DST: variants seen among roughly 807,000 people sequenced by gnomAD.
DST encodes the protein bullous pemphigoid antigen.
Under a neutral mutation model 875.2 loss-of-function variants are expected in DST, and 253 were observed. The ratio of observed to expected loss-of-function variants is 0.29; its 90% CI spans 0.26 to 0.32. DST has a LOEUF of 0.32. DST is among the 10% of genes least tolerant of loss of function. DST has a pLI of 1.00. For missense variants in DST, 8,287 were observed against 9,111.6 expected, an observed-to-expected ratio of 0.91 and a Z score of 3.68; for synonymous variants, 3,124 against 3,197.1, an observed-to-expected ratio of 0.98 and a Z score of 0.77.
intron 49 of DST, among the ~76,000 whole-genome samples, chr6:56,582,653 G>C (rs1192058405): frequency 2.1e-4 from 31 of 150,874 alleles, no homozygotes; most frequent in African/African-American, 7.1e-4. Context: ...GTGCAGGTTA[G>C]TTACATATGT....
At chr6:56,740,447 C>T (rs116138115) in intron 4 of DST, among the ~76,000 whole-genome samples, 1,893 of 152,292 alleles carry the variant, frequency 0.012, 39 homozygotes, top group African/African-American at 0.043. Flanking sequence ...CCAACCTCAT[C>T]CAGGGCAGTC....
intron 2 of DST, among the ~76,000 whole-genome samples, chr6:56,907,505 G>C (rs963863357): frequency 6.6e-6 from 1 of 152,214 alleles, no homozygotes; most frequent in Non-Finnish European, 1.5e-5. Context: ...AGGCTTTTCA[G>C]GGTTAAGTAA....
intron 5 of DST, among the ~76,000 whole-genome samples, chr6:56,708,904 T>C (rs2152890378): frequency 6.6e-6 from 1 of 152,324 alleles, no homozygotes; most frequent in Non-Finnish European, 1.5e-5. Context: ...CCTTCACAGA[T>C]GACTATACTA....
Position 56,715,832 on chromosome 6 carries a change from C to A in DST, c.688-11463G>T, listed in dbSNP as rs534636063. The stretch of plus-strand genomic sequence containing the variant: ...GGAACTTTGTACCCAGGCCATTGTT[C>A]TTTAAGCTCATTCATTTCCCCTGAA... On this transcript the variant is annotated intron_variant, in intron 5 of 103. Coordinates refer to ENST00000680361, the MANE Select transcript of DST (RefSeq NM_001374736.1). Among the ~76,000 whole-genome samples the A allele has an allele frequency of 1.1e-4, 16 of 152,290 alleles. 1 individual carries two copies. In the South Asian group the frequency reaches 1.7e-3, roughly 16 times the overall value.
intron 4 of DST, among the ~76,000 whole-genome samples, chr6:56,799,671 G>T (rs1053423219): frequency 4.6e-5 from 7 of 151,826 alleles, no homozygotes; most frequent in Admixed American, 2.6e-4. Flanking sequence ...TGCCCAACTG[G>T]AGTGTAGTGG....
At chr6:56,501,783 C>A in intron 78 of DST, 90 bp from the exon 79 acceptor site, 2 of 968,400 alleles carry the variant, frequency 2.1e-6, no homozygotes, top group Non-Finnish European at 2.9e-6. Context: ...TATTCTAATT[C>A]ACACTACTTA....
intron 3 of DST, among the ~76,000 whole-genome samples, chr6:56,880,832 TCTTTC>T (rs1781767494): frequency 7.1e-6 from 1 of 140,450 alleles, no homozygotes; most frequent in African/African-American, 2.6e-5. Flanking sequence ...TAAAATACTG[TCTTTC>T]TTTTTTTTTT....
At chr6:56,900,058 T>G (rs1444242097) in intron 3 of DST, among the ~76,000 whole-genome samples, 1 of 152,216 alleles carries the variant, frequency 6.6e-6, no homozygotes, top group Non-Finnish European at 1.5e-5. Flanking sequence ...TCTCCTATCC[T>G]GACACTGGTT....
chr6:56,776,769 TTTA>T (rs1281053683), intron 4 of DST, among the ~76,000 whole-genome samples: 3 of 152,164 alleles, frequency 2.0e-5, no homozygotes, highest in African/African-American at 7.2e-5. Context: ...ACCTAAATTA[TTTA>T]TTTTTATTTT....
chr6:56,857,137 G>T (rs1042823070), intron 3 of DST, among the ~76,000 whole-genome samples: 1 of 151,618 alleles, frequency 6.6e-6, no homozygotes, highest in Admixed American at 6.6e-5. Flanking sequence ...TCAACCTCTC[G>T]AGTAGCTGGG....
At chr6:56,586,126 G>A (rs1041232437) in intron 49 of DST, among the ~76,000 whole-genome samples, 2 of 151,440 alleles carry the variant, frequency 1.3e-5, no homozygotes, top group Admixed American at 6.6e-5. Context: ...TTGGTGTAGA[G>A]CTGAGTTCAA....
intron 4 of DST, among the ~76,000 whole-genome samples, chr6:56,777,544 G>A (rs1053584516): frequency 1.1e-4 from 17 of 151,884 alleles, no homozygotes; most frequent in African/African-American, 4.1e-4. Context: ...AAAAGAAAGA[G>A]GAAAAAGTGA....
At chr6:56,573,609 C>T in intron 51 of DST, 70 bp downstream of exon 51, 1 of 1,158,086 alleles carries the variant, frequency 8.6e-7, no homozygotes, top group Non-Finnish European at 1.3e-6. Flanking sequence ...TTAAATCTAA[C>T]TACACTTTGA....
At chr6:56,485,629 A>T (rs1396168928) in intron 87 of DST, among the ~76,000 whole-genome samples, 158 bp from the exon 88 acceptor site, 1 of 152,252 alleles carries the variant, frequency 6.6e-6, no homozygotes, top group Non-Finnish European at 1.5e-5. Flanking sequence ...GGAAAAAGAC[A>T]AAACTTTTCT....
At chr6:56,483,128 T>C (rs56326836) in intron 88 of DST, among the ~76,000 whole-genome samples, 138 of 152,328 alleles carry the variant, frequency 9.1e-4, no homozygotes, top group African/African-American at 3.2e-3. Context: ...GATAAGATTA[T>C]CTTATTTTAA....
intron 34 of DST, among the ~76,000 whole-genome samples, chr6:56,625,992 C>CA (rs202184328): frequency 7.1e-6 from 1 of 141,834 alleles, no homozygotes; most frequent in African/African-American, 2.7e-5. Context: ...AAAAAAAAAC[C>CA]AAAAATTAAA....
chr6:56,501,033 T>C, intron 80 of DST, 47 bp downstream of exon 80: 1 of 1,576,008 alleles, frequency 6.3e-7, no homozygotes, highest in South Asian at 1.2e-5. Flanking sequence ...CTGATGACAC[T>C]AGAAATGGAC....
intron 3 of DST, among the ~76,000 whole-genome samples, chr6:56,860,161 C>A (rs1770253000): frequency 2.0e-5 from 3 of 152,186 alleles, no homozygotes; most frequent in South Asian, 4.1e-4. Flanking sequence ...AGGACCTGTG[C>A]TTTCCAGTCT....
At chr6:56,769,358 T>C (rs1316228267) in intron 4 of DST, among the ~76,000 whole-genome samples, 3 of 152,160 alleles carry the variant, frequency 2.0e-5, no homozygotes, top group Non-Finnish European at 4.4e-5. Flanking sequence ...TGCAAAACAA[T>C]ACAGCTACTT....
Sources: allele counts gnomAD v4.1 joint callset (sites outside exome capture counted in the v4.1 genomes callset), GRCh38; gene constraint gnomAD v4.1.1; transcripts MANE v1.5; gene names NCBI Gene and HGNC (gene_info 2026-07-23, HGNC 2026-07-21).